CCDC91: variants seen among roughly 807,000 people sequenced by gnomAD.
CCDC91 encodes the protein coiled-coil domain-containing protein 91.
CCDC91 carries 48 observed loss-of-function variants against 63.2 expected under a neutral mutation model. The ratio of observed to expected loss-of-function variants is 0.76; its 90% CI spans 0.60 to 0.97. CCDC91 has a LOEUF of 0.97. Ranked by LOEUF, CCDC91 falls within the 50% of genes least tolerant of loss-of-function variation. CCDC91 has a pLI of 0.00. For missense variants in CCDC91, 500 were observed against 494.6 expected (o/e 1.01, Z -0.10); for synonymous variants, 167 against 165.8 (o/e 1.01, Z -0.06).
intron 6 of CCDC91, among the ~76,000 whole-genome samples, chr12:28,353,875 C>T (rs1264402601): frequency 2.0e-5 from 3 of 151,978 alleles, no homozygotes; most frequent in South Asian, 2.1e-4. Flanking sequence ...GGGGAAACAA[C>T]ACACATTGGG....
chr12:28,243,634 T>C (rs1945501636), intron 1 of CCDC91, among the ~76,000 whole-genome samples: 1 of 151,974 alleles, frequency 6.6e-6, no homozygotes, highest in South Asian at 2.1e-4. Context: ...ATTCAATATA[T>C]AAAGAATGAA....
At chr12:28,335,262 AAT>A (rs1225084704) in intron 6 of CCDC91, among the ~76,000 whole-genome samples, 12 of 125,862 alleles carry the variant, frequency 9.5e-5, no homozygotes, top group Non-Finnish European at 2.1e-4. Context: ...TAATACATAT[AAT>A]ATATAATATA....
chr12:28,284,240 G>A (rs1208263505), intron 3 of CCDC91, among the ~76,000 whole-genome samples: 14 of 151,938 alleles, frequency 9.2e-5, no homozygotes, highest in Admixed American at 7.9e-4. Context: ...TAAAATTTTA[G>A]TGTGCACAGG....
intron 6 of CCDC91, among the ~76,000 whole-genome samples, chr12:28,314,638 G>A (rs1360953406): frequency 6.7e-6 from 1 of 148,192 alleles, no homozygotes; most frequent in Non-Finnish European, 1.5e-5. Context: ...CATATTTTTT[G>A]GCATGACTAA....
At chr12:28,479,870 A>G (rs1262458439) in intron 11 of CCDC91, among the ~76,000 whole-genome samples, 2 of 151,998 alleles carry the variant, frequency 1.3e-5, no homozygotes, top group Admixed American at 6.6e-5. Context: ...TACTTTTGAT[A>G]TATCATATGG....
chr12:28,468,272 T>C (rs1203194958), intron 11 of CCDC91, among the ~76,000 whole-genome samples: 1 of 151,238 alleles, frequency 6.6e-6, no homozygotes, highest in Non-Finnish European at 1.5e-5. Context: ...TCATCTAGTA[T>C]CTATACTACA....
chr12:28,330,813 T>G (rs1345487647), intron 6 of CCDC91, among the ~76,000 whole-genome samples: 2 of 152,164 alleles, frequency 1.3e-5, no homozygotes, highest in Non-Finnish European at 2.9e-5. Flanking sequence ...AGATTATTGC[T>G]GTTGTAGAGC....
At chr12:28,336,181 A>G (rs1941967506) in intron 6 of CCDC91, among the ~76,000 whole-genome samples, 1 of 152,130 alleles carries the variant, frequency 6.6e-6, no homozygotes, top group African/African-American at 2.4e-5. Flanking sequence ...CTAATTCAGA[A>G]GAACAGGATA....
chr12:28,444,665 CTG>C (rs1949406825), intron 8 of CCDC91, among the ~76,000 whole-genome samples: 1 of 152,036 alleles, frequency 6.6e-6, no homozygotes, highest in African/African-American at 2.4e-5. Flanking sequence ...ACAACAGACA[CTG>C]GGGTCTACTT....
intron 11 of CCDC91, among the ~76,000 whole-genome samples, chr12:28,483,658 T>A (rs1951563723): frequency 1.3e-5 from 2 of 151,980 alleles, no homozygotes; most frequent in Non-Finnish European, 2.9e-5. Context: ...GATGGCAAAA[T>A]TAAACGTGAA....
chr12:28,367,984 C>A (rs1565868030), intron 7 of CCDC91, among the ~76,000 whole-genome samples: 1 of 152,178 alleles, frequency 6.6e-6, no homozygotes, highest in Non-Finnish European at 1.5e-5. Context: ...TTCTGGGTCT[C>A]CAGCCTGTCA....
chr12:28,299,995 T>C (rs982367193), intron 3 of CCDC91, among the ~76,000 whole-genome samples: 2 of 151,532 alleles, frequency 1.3e-5, no homozygotes, highest in African/African-American at 4.8e-5. Context: ...ATACATGTTA[T>C]ACATATTAGT....
intron 1 of CCDC91, among the ~76,000 whole-genome samples, chr12:28,252,801 T>G (rs1311598802): frequency 6.6e-6 from 1 of 152,200 alleles, no homozygotes; most frequent in East Asian, 1.9e-4. Flanking sequence ...TTGGTCGTCC[T>G]TGATAGTCTG....
chr12:28,476,781 AG>A (rs1403883133), intron 11 of CCDC91, among the ~76,000 whole-genome samples: 1 of 152,102 alleles, frequency 6.6e-6, no homozygotes, highest in Non-Finnish European at 1.5e-5. Flanking sequence ...AAAATGATAA[AG>A]GGGATACCAC....
intron 8 of CCDC91, among the ~76,000 whole-genome samples, chr12:28,395,862 C>T (rs1332067430): frequency 6.6e-6 from 1 of 152,110 alleles, no homozygotes; most frequent in African/African-American, 2.4e-5. Context: ...AAGTGCTGTG[C>T]TTTATGACAC....
At chr12:28,245,028 T>C (rs1158292829) in intron 1 of CCDC91, among the ~76,000 whole-genome samples, 1 of 152,174 alleles carries the variant, frequency 6.6e-6, no homozygotes, top group African/African-American at 2.4e-5. Flanking sequence ...TTCCTATTTA[T>C]TGAATGCACC....
chr12:28,349,455 T>C (rs1010336113), intron 6 of CCDC91, among the ~76,000 whole-genome samples: 2 of 152,194 alleles, frequency 1.3e-5, no homozygotes, highest in Admixed American at 6.5e-5. Context: ...GGGCTAGTTT[T>C]ATGAGTGTAC....
intron 3 of CCDC91, among the ~76,000 whole-genome samples, chr12:28,292,370 G>T (rs988276124): frequency 2.6e-5 from 4 of 151,992 alleles, no homozygotes; most frequent in African/African-American, 9.7e-5. Flanking sequence ...AATAACAATA[G>T]AACTTTATTT....
intron 7 of CCDC91, among the ~76,000 whole-genome samples, chr12:28,389,606 C>A (rs1945815103): frequency 6.6e-6 from 1 of 151,892 alleles, no homozygotes; most frequent in South Asian, 2.1e-4. Flanking sequence ...ACTTACCTGT[C>A]CTCCAAAGGA....
Sources: allele counts gnomAD v4.1 joint callset (sites outside exome capture counted in the v4.1 genomes callset), GRCh38; gene constraint gnomAD v4.1.1; transcripts MANE v1.5; gene names NCBI Gene and HGNC (gene_info 2026-07-23, HGNC 2026-07-21).